The following PRPS1 variants were observed in gnomAD, a reference collection of about 807,000 sequenced individuals.
PRPS1 encodes ribose-phosphate pyrophosphokinase 1.
A neutral mutation model predicts 16.9 loss-of-function variants in PRPS1; 1 was observed. That is an observed-to-expected ratio of 0.06 (90% confidence interval 0.02 to 0.28). The LOEUF (loss-of-function observed/expected upper bound fraction) is 0.28, where lower values mean the gene tolerates loss of function less well. Among genes scored for constraint, PRPS1 ranks in the 10% least tolerant of loss-of-function variants. PRPS1 has a pLI of 1.00. For missense variants in PRPS1, 47 were observed against 254.0 expected (o/e 0.19, Z 5.54); for synonymous variants, 70 against 90.2 (o/e 0.78, Z 1.27).
At chrX:107,636,793 A>G (rs1041673632) in intron 1 of PRPS1, 1 of 112,818 alleles carries the variant, frequency 8.9e-6, no homozygotes, top group Non-Finnish European at 1.9e-5. Context: ...CAGTTTTCAT[A>G]TAAGTCCCTT....
In PRPS1 at chrX:107,648,424, C is replaced by CT. The variant is rs772036314; in HGVS notation, c.864+677dup. ...ATATGTGTAATTGGAGGATTATCAT[C>CT]TTTTTTTTTTTTTTTTTTGAGATAG... On this transcript the variant is annotated intron_variant, in intron 6 of 6. Coordinates refer to ENST00000372435, the MANE Select transcript of PRPS1 (RefSeq NM_002764.4). 3.4e-3 allele frequency among the ~76,000 whole-genome samples: 321 copies of CT among 94,879 alleles called. 2 individuals carry two copies. Among genetic ancestry groups the CT allele is most frequent in the South Asian group, 0.012 (26 of 2,129 alleles). 82.4% of individuals were successfully genotyped at this position (94,879 alleles called of 115,157 possible). A position where few individuals can be genotyped will look rare whatever the true frequency, so the allele number is the denominator to read the frequency against.
intron 1 of PRPS1, among the ~76,000 whole-genome samples, chrX:107,631,301 C>G (rs1014826403): frequency 1.3e-4 from 15 of 111,841 alleles, no homozygotes; most frequent in African/African-American, 4.5e-4. Flanking sequence ...TCATAGCACA[C>G]TGCATCCTCA....
chrX:107,628,722 A>G lies in PRPS1; in HGVS notation c.94A>G (p.Thr32Ala), dbSNP rs1569436817. 8.3e-7 allele frequency: 1 copy of G among 1,211,415 alleles called. No homozygotes were observed. ...RLGLELGKVVTKKFSNQETCV... is the reference protein window; with the variant it reads ...RLGLELGKVVAKKFSNQETCV... ...GGGCCTGGAGCTAGGCAAGGTGGTGACTAAGAAATTCAGCAACCAGGAGAC... is the reference window on the plus strand; with the variant it reads ...GGGCCTGGAGCTAGGCAAGGTGGTGGCTAAGAAATTCAGCAACCAGGAGAC... The change falls in exon 1 of 7, where the codon ACT becomes GCT. Residue 32 changes from threonine to alanine, a missense_variant. Transcript: ENST00000372435.
chrX:107,629,159 A>G (rs768924705), intron 1 of PRPS1, among the ~76,000 whole-genome samples: 2 of 111,498 alleles, frequency 1.8e-5, no homozygotes, highest in East Asian at 2.8e-4. Context: ...TAGAGAGCCT[A>G]CCTGCGTACT....
Position 107,645,162 on chromosome X carries a change from C to T in PRPS1, c.531-15C>T, listed in dbSNP as rs200259438. The T allele has an allele frequency of 6.9e-5, 84 of 1,210,095 alleles. No individual in the cohort carries two copies. The East Asian group carries it at 1.1e-3, about 16-fold the overall frequency. On this transcript the variant is annotated splice_polypyrimidine_tract_variant and intron_variant, in intron 4 of 6. Transcript: ENST00000372435. ...TAGAAGCCACACATACATATGAACA[C>T]GCTCTGTTTTGCAGAGTGACCTCCA...
chrX:107,636,056 CAAAAA>C (rs965370775), intron 1 of PRPS1, among the ~76,000 whole-genome samples: 3 of 43,302 alleles, frequency 6.9e-5, no homozygotes, highest in African/African-American at 1.8e-4. Flanking sequence ...GAGACTGTCT[CAAAAA>C]AAAAAAAAAA....
At position 107,650,748 on chromosome X, in the gene PRPS1, G is replaced by A. The variant is rs1925811924; in HGVS notation, c.*716G>A. The A allele has an allele frequency of 3.4e-6, 1 of 295,802 alleles. No individual in the cohort carries two copies. The highest frequency in any genetic ancestry group is 2.8e-5 in the African/African-American group (1 of 36,148). 24.4% of individuals were successfully genotyped at this position (295,802 alleles called of 1,213,427 possible). On this transcript the variant is annotated 3_prime_UTR_variant, in exon 7 of 7. Coordinates refer to ENST00000372435, the MANE Select transcript of PRPS1 (RefSeq NM_002764.4). ...ATCCTCTTGGGCCCAAATGAACATTGTACCATAGTCTTCTGGAAAGCAAAC... is the reference window on the plus strand; with the variant it reads ...ATCCTCTTGGGCCCAAATGAACATTATACCATAGTCTTCTGGAAAGCAAAC...
chrX:107,643,041 C>T (rs193243261), intron 4 of PRPS1, among the ~76,000 whole-genome samples: 113 of 112,319 alleles, frequency 1.0e-3, no homozygotes, highest in Middle Eastern at 4.6e-3. Flanking sequence ...ACTAAGAGCT[C>T]TTGATTTCCT....
Position 107,634,307 on chromosome X carries a change from C to T in PRPS1, c.123-4988C>T, listed in dbSNP as rs1438231857. 3.6e-5 allele frequency among the ~76,000 whole-genome samples: 4 copies of T among 110,204 alleles called. No individual in the cohort carries two copies. In the East Asian group the frequency reaches 8.5e-4, roughly 24 times the overall value. ...TCGGTTCACTGCAAGCTCTGTCTCT[C>T]GGGTTCACGCCATTCTCCTGCCTCA... On this transcript the variant is annotated intron_variant, in intron 1 of 6. Coordinates refer to ENST00000372435, the MANE Select transcript of PRPS1 (RefSeq NM_002764.4).
At chrX:107,634,233 G>A (rs918594307) in intron 1 of PRPS1, among the ~76,000 whole-genome samples, 1 of 109,324 alleles carries the variant, frequency 9.1e-6, no homozygotes. Flanking sequence ...TTATTTTTTT[G>A]AGATGGAGTC....
Position 107,637,950 on chromosome X carries a change from A to ATATATATT in PRPS1, c.123-1344_123-1343insATATATTT, listed in dbSNP as rs1411479537. Reference sequence around the variant, plus strand: ...TATAAATATATATATATATATATATATTTTTTTGATATGGAGTCTTGCTCT... The same window carrying ATATATATT: ...TATAAATATATATATATATATATATATATATATTTTTTTTTGATATGGAGTCTTGCTCT... On this transcript the variant is annotated intron_variant, in intron 1 of 6. Transcript: ENST00000372435. Among the ~76,000 whole-genome samples, 383 of 98,327 alleles carry ATATATATT rather than the reference A, an allele frequency of 3.9e-3. 1 individual carries two copies. Among genetic ancestry groups the ATATATATT allele is most frequent in the African/African-American group, 0.014 (362 of 26,265 alleles). The allele number at this position is 98,327 out of a possible 115,157, so 85.4% of individuals were successfully genotyped here.
intron 3 of PRPS1, among the ~76,000 whole-genome samples, chrX:107,641,524 T>G (rs1427733331): frequency 1.8e-5 from 2 of 111,040 alleles, no homozygotes; most frequent in Non-Finnish European, 3.8e-5. Context: ...CCCAGCTAAC[T>G]TTTTTGTACT....
rs773323331 is a variant in PRPS1, at chrX:107,649,908, T to C, written c.865-32T>C. 9.1e-6 allele frequency: 11 copies of C among 1,210,396 alleles called. No individual in the cohort carries two copies. The African/African-American group carries it at 1.6e-4, about 17-fold the overall frequency. On this transcript the variant is annotated intron_variant, in intron 6 of 6. Transcript: ENST00000372435. ...TGGCCAGTCATCTCTGACCATATGA[T>C]AGTAACCTGATTTCCTTTCTTGCCT...
At chrX:107,640,490 A>G (rs1877656766) in intron 2 of PRPS1, among the ~76,000 whole-genome samples, 1 of 112,540 alleles carries the variant, frequency 8.9e-6, no homozygotes, top group Admixed American at 9.4e-5. Flanking sequence ...AAACTATAAT[A>G]TCTATTCTGT....
At chrX:107,632,798 T>A (rs1650118207) in intron 1 of PRPS1, among the ~76,000 whole-genome samples, 1 of 112,534 alleles carries the variant, frequency 8.9e-6, no homozygotes, top group Admixed American at 9.5e-5. Flanking sequence ...AGAGGACTTG[T>A]TGAACCAAGC....
Position 107,650,880 on chromosome X carries a change from G to C in PRPS1, c.*848G>C. On this transcript the variant is annotated 3_prime_UTR_variant, in exon 7 of 7. Transcript: ENST00000372435. ...GCAGTAGGTTTTAGGTGGTATCGTA[G>C]TGCCTTTTGATTAATTTAAGTATTT... The C allele has an allele frequency of 7.0e-6, 2 of 286,773 alleles. No individual in the cohort carries two copies. The highest frequency in any genetic ancestry group is 1.2e-5 in the Non-Finnish European group (2 of 163,864). 23.6% of individuals were successfully genotyped at this position (286,773 alleles called of 1,213,427 possible). A position where few individuals can be genotyped will look rare whatever the true frequency, so the allele number is the denominator to read the frequency against.
At chrX:107,635,728 T>C (rs1307358530) in intron 1 of PRPS1, among the ~76,000 whole-genome samples, 5 of 110,868 alleles carry the variant, frequency 4.5e-5, no homozygotes, top group African/African-American at 1.6e-4. Context: ...AAAGTGACTC[T>C]TTTAGCTTGA....
chrX:107,639,245 C>G (rs1367890031), intron 1 of PRPS1, 50 bp from the exon 2 acceptor site: 2 of 1,168,221 alleles, frequency 1.7e-6, no homozygotes, highest in Admixed American at 4.3e-5. Flanking sequence ...GGAGGGCTGA[C>G]AGTACAGTGG....
intron 4 of PRPS1, among the ~76,000 whole-genome samples, chrX:107,643,421 T>G (rs1301086808): frequency 8.9e-6 from 1 of 112,213 alleles, no homozygotes; most frequent in Non-Finnish European, 1.9e-5. Context: ...TAGAAAATAG[T>G]CACATTTGAA....
Sources: allele counts gnomAD v4.1 joint callset (sites outside exome capture counted in the v4.1 genomes callset), GRCh38; gene constraint gnomAD v4.1.1; transcripts MANE v1.5; gene names NCBI Gene and HGNC (gene_info 2026-07-23, HGNC 2026-07-21).